KMT2A: variants seen among roughly 807,000 people sequenced by gnomAD.
KMT2A encodes the protein histone-lysine N-methyltransferase 2A.
KMT2A carries 16 observed loss-of-function variants against 345.3 expected under a neutral mutation model. That is an observed-to-expected ratio of 0.05 (90% CI 0.03 to 0.07). The LOEUF (loss-of-function observed/expected upper bound fraction) is 0.07. Among genes scored for constraint, KMT2A ranks in the 10% least tolerant of loss-of-function variants. The probability of loss-of-function intolerance (pLI) is 1.00; values close to 1 mark genes in which losing one functional copy is unlikely to be tolerated. For missense variants in KMT2A, 3,272 were observed against 4,841.6 expected (o/e 0.68, Z 9.62); for synonymous variants, 1,599 against 1,778.6 (o/e 0.90, Z 2.54).
In KMT2A at chr11:118,490,438, T is replaced by C. The variant is rs1555042180; in HGVS notation, c.4696+189T>C. Among the ~76,000 whole-genome samples the C allele has an allele frequency of 6.6e-6, 1 of 152,160 alleles. No homozygotes were observed. Among genetic ancestry groups the C allele is most frequent in the South Asian group, 2.1e-4 (1 of 4,828 alleles). ...GTCTTGTTAGTTTATACGGGAAGTG[T>C]TAAGGGGACTTTTCATTATAACTAA... On this transcript the variant is annotated intron_variant, in intron 13 of 35. Coordinates refer to ENST00000534358, the MANE Select transcript of KMT2A (RefSeq NM_001197104.2). The surrounding 1 kb of genome is among the most constrained non-coding windows in gnomAD (Gnocchi z 4.2).
At chr11:118,471,180 G>A (rs1555035382) in intron 2 of KMT2A, among the ~76,000 whole-genome samples, 1 of 152,202 alleles carries the variant, frequency 6.6e-6, no homozygotes, top group African/African-American at 2.4e-5. Context: ...CAAGGAGTTG[G>A]TATGTTGATG....
rs1383130499 is a variant in KMT2A, at chr11:118,483,328, C to T, written c.4086+833C>T. Among the ~76,000 whole-genome samples, 6 of 151,070 alleles carry T rather than the reference C, an allele frequency of 4.0e-5. No homozygotes were observed. In the South Asian group the frequency reaches 1.0e-3, roughly 26 times the overall value. On this transcript the variant is annotated intron_variant, in intron 8 of 35. Transcript: ENST00000534358. ...CGGGCGGATCATGAGGGCAGGAGAT[C>T]GAGACCATCCTGGCTAACACGGTGA...
Position 118,500,967 on chromosome 11 carries a change from T to C in KMT2A, c.6159-20T>C. On this transcript the variant is annotated intron_variant, in intron 24 of 35. Transcript: ENST00000534358. ...TCTATCCTCTCCCTTATGATGATTT[T>C]CCCAAATCTGTTTACCCAGGTGTTC... 6.3e-7 allele frequency: 1 copy of C among 1,598,430 alleles called. No homozygotes were observed. The highest frequency in any genetic ancestry group is 8.6e-7 in the Non-Finnish European group (1 of 1,167,616).
At position 118,473,684 on chromosome 11, in the gene KMT2A, G is replaced by A. The variant is rs782150410; in HGVS notation, c.2525G>A (p.Gly842Asp). The stretch of plus-strand genomic sequence containing the variant: ...CCTCTCTTCCCTTGGTTTACCCCAG[G>A]CTCTCAGACTGAAAGAGGGAGAAAT... ...PTPLFPWFTPGSQTERGRNKD... is the reference protein window; with the variant it reads ...PTPLFPWFTPDSQTERGRNKD... The change falls in exon 3 of 36, where the codon GGC becomes GAC. Residue 842 changes from glycine to aspartate, a missense_variant. Coordinates refer to ENST00000534358, the MANE Select transcript of KMT2A (RefSeq NM_001197104.2). The surrounding 1 kb of genome is among the most constrained non-coding windows in gnomAD (Gnocchi z 5.2). The A allele has an allele frequency of 6.2e-7, 1 of 1,613,992 alleles. No individual in the cohort carries two copies. The highest frequency in any genetic ancestry group is 8.5e-7 in the Non-Finnish European group (1 of 1,180,042).
intron 11 of KMT2A, 124 bp from the exon 12 acceptor site, chr11:118,489,668 A>C: frequency 4.1e-6 from 3 of 727,576 alleles, no homozygotes; most frequent in Non-Finnish European, 7.0e-6. Context: ...ATGTATGAGG[A>C]AATTTAAACT....
At chr11:118,474,713 T>C (rs1950002720) in intron 3 of KMT2A, among the ~76,000 whole-genome samples, 1 of 152,170 alleles carries the variant, frequency 6.6e-6, no homozygotes. Flanking sequence ...TAAAGGTACA[T>C]TTTAATAGTC....
chr11:118,436,854 G>A lies in KMT2A; in HGVS notation c.342G>A (p.Ala114=). The A allele has an allele frequency of 6.2e-7, 1 of 1,600,460 alleles. No individual in the cohort carries two copies. Among genetic ancestry groups the A allele is most frequent in the Non-Finnish European group, 8.5e-7 (1 of 1,174,236 alleles). ...ALLRVGPGFD[A]ALQVSAAIGT... ...TCCGGGTGGGCCCGGGCTTCGACGC[G>A]GCGCTGCAGGTCTCGGCCGCCATCG... is the stretch of plus-strand genomic sequence containing the variant. The change falls in exon 1 of 36, where the codon GCG becomes GCA. Residue 114 remains alanine, a synonymous_variant. Transcript: ENST00000534358. This position sits in a 1 kb window ranked among gnomAD's most constrained non-coding sequence, Gnocchi z 6.9.
chr11:118,464,127 A>C (rs1484308141), intron 1 of KMT2A, among the ~76,000 whole-genome samples: 7 of 152,248 alleles, frequency 4.6e-5, no homozygotes. Context: ...CCAGTTTGCA[A>C]GGAAAAAATT....
At position 118,524,231 on chromosome 11, in the gene KMT2A, C is replaced by T. The variant is rs1189732025; in HGVS notation, c.*2059C>T. On this transcript the variant is annotated 3_prime_UTR_variant, in exon 36 of 36. Coordinates refer to ENST00000534358, the MANE Select transcript of KMT2A (RefSeq NM_001197104.2). ...CACAGTCTGACCACTCACGATAAAG[C>T]AGATTTTTCTCTGCCTCTGCCACAA... is the stretch of plus-strand genomic sequence containing the variant. 1 of 183,454 alleles carries T rather than the reference C, an allele frequency of 5.5e-6. No individual in the cohort carries two copies. The highest frequency in any genetic ancestry group is 6.3e-5 in the Admixed American group (1 of 15,968). 11.4% of individuals were successfully genotyped at this position (183,454 alleles called of 1,614,324 possible).
intron 1 of KMT2A, among the ~76,000 whole-genome samples, chr11:118,438,583 C>T (rs1949249193): frequency 2.0e-5 from 3 of 152,106 alleles, no homozygotes; most frequent in Admixed American, 1.3e-4. Flanking sequence ...TTCCTGCGTG[C>T]TCTGCCGTTG....
chr11:118,438,898 C>T (rs1555139446), intron 1 of KMT2A: 2 of 374,694 alleles, frequency 5.3e-6, no homozygotes, highest in Non-Finnish European at 1.1e-5. Flanking sequence ...CCTCTTTCTG[C>T]TCTATCTCCA....
chr11:118,436,824 C>G lies in KMT2A; in HGVS notation c.312C>G (p.Ala104=). The G allele has an allele frequency of 6.2e-7, 1 of 1,608,514 alleles. No individual in the cohort carries two copies. Among genetic ancestry groups the G allele is most frequent in the East Asian group, 2.2e-5 (1 of 44,632 alleles). Residue 104 remains alanine, a synonymous_variant, in exon 1 of 36, where the codon GCC becomes GCG. Coordinates refer to ENST00000534358, the MANE Select transcript of KMT2A (RefSeq NM_001197104.2). The surrounding 1 kb of genome is among the most constrained non-coding windows in gnomAD (Gnocchi z 6.9). ...SSSSSASSGP[A]LLRVGPGFDA... The stretch of plus-strand genomic sequence containing the variant: ...CGTCCTCAGCCTCTTCAGGGCCGGC[C>G]CTGCTCCGGGTGGGCCCGGGCTTCG...
rs1179171601 is a variant in KMT2A at position 118,480,220 on chromosome 11, C to G, written c.3616C>G (p.Leu1206Val). The change falls in exon 6 of 36, where the codon CTG becomes GTG. Residue 1206 changes from leucine to valine, a missense_variant. Leu to Val is a conservative substitution (Grantham distance 32, BLOSUM62 1). Around this residue, in one of 27 missense-constraint regions of KMT2A, gnomAD observed 26 missense variants for 90.5 expected, o/e 0.29. Coordinates refer to ENST00000534358, the MANE Select transcript of KMT2A (RefSeq NM_001197104.2). ...ACAATGGATGCCTTCCAAAGCCTAC[C>G]TGCAGAAGCAAGCTAAAGGTAGTGT... ...NLQWMPSKAY[L>V]QKQAKAVKKK... is the part of the protein sequence containing the mutation. 6.2e-7 allele frequency: 1 copy of G among 1,613,488 alleles called. No homozygotes were observed. The highest frequency in any genetic ancestry group is 8.5e-7 in the Non-Finnish European group (1 of 1,179,658).
Position 118,526,586 on chromosome 11 carries a change from G to GAAA in KMT2A, c.*4424_*4426dup. 5.4e-6 allele frequency: 1 copy of GAAA among 183,918 alleles called. No individual in the cohort carries two copies. Among genetic ancestry groups the GAAA allele is most frequent in the Non-Finnish European group, 1.1e-5 (1 of 93,764 alleles). The allele number at this position is 183,918 out of a possible 1,614,324, so 11.4% of individuals were successfully genotyped here. A position where few individuals can be genotyped will look rare whatever the true frequency, so the allele number is the denominator to read the frequency against. ...CCAAGCTTCTGGTTAGAGAAAAAGA[G>GAAA]AAAAAAAAAAAAGGAAAATGTGTCT... On this transcript the variant is annotated 3_prime_UTR_variant, in exon 36 of 36. Coordinates refer to ENST00000534358, the MANE Select transcript of KMT2A (RefSeq NM_001197104.2).
rs1003809407 is a variant in KMT2A, at chr11:118,526,541, T to G, written c.*4369T>G. 2.0e-4 allele frequency: 46 copies of G among 229,700 alleles called. No homozygotes were observed. Among genetic ancestry groups the G allele is most frequent in the African/African-American group, 5.3e-4 (24 of 45,054 alleles). The allele number at this position is 229,700 out of a possible 1,614,324, so 14.2% of individuals were successfully genotyped here. The stretch of plus-strand genomic sequence containing the variant: ...AACTTTATCATGTATAACAGATCTG[T>G]TTTTTTTCCTTGTGTTCTTCCAAGC... On this transcript the variant is annotated 3_prime_UTR_variant, in exon 36 of 36. Transcript: ENST00000534358.
At chr11:118,516,345 G>A (rs1555051559) in intron 31 of KMT2A, among the ~76,000 whole-genome samples, 1 of 152,124 alleles carries the variant, frequency 6.6e-6, no homozygotes, top group Non-Finnish European at 1.5e-5. Flanking sequence ...TATACATAAA[G>A]CGAAAGTCCT....
At chr11:118,512,812 T>A (rs1248870601) in intron 31 of KMT2A, among the ~76,000 whole-genome samples, 3 of 152,084 alleles carry the variant, frequency 2.0e-5, no homozygotes, top group Admixed American at 2.0e-4. Context: ...TGTTTTTTTT[T>A]TTTTATTTTA....
chr11:118,517,177 C>T (rs111997050), intron 31 of KMT2A, among the ~76,000 whole-genome samples: 6,412 of 151,518 alleles, frequency 0.042, 193 homozygotes, highest in South Asian at 0.075. Flanking sequence ...GGGCAGATCA[C>T]GAGGTCAGGA....
intron 1 of KMT2A, among the ~76,000 whole-genome samples, chr11:118,447,062 A>G (rs564817477): frequency 3.9e-5 from 6 of 152,272 alleles, no homozygotes; most frequent in African/African-American, 7.2e-5. Flanking sequence ...TTCGTCTCCC[A>G]TGGTTCAACT....
Sources: allele counts gnomAD v4.1 joint callset (sites outside exome capture counted in the v4.1 genomes callset), GRCh38; gene constraint gnomAD v4.1.1; regional missense constraint gnomAD v4.1.1; non-coding constraint Gnocchi (gnomAD v3.1); transcripts MANE v1.5; gene names NCBI Gene and HGNC (gene_info 2026-07-23, HGNC 2026-07-21).